Variants in SLC17A9 observed in about 807,000 individuals in gnomAD.
SLC17A9 encodes the protein solute carrier family 17 member 9, also known as voltage-gated purine nucleotide uniporter SLC17A9.
Under a neutral mutation model 55.0 loss-of-function variants are expected in SLC17A9, and 49 were observed. The ratio of observed to expected loss-of-function variants is 0.89; its 90% CI spans 0.71 to 1.13. The LOEUF (loss-of-function observed/expected upper bound fraction) is 1.13, where lower values mean the gene tolerates loss of function less well. Among genes scored for constraint, SLC17A9 ranks in the 50% most tolerant of loss-of-function variants. SLC17A9 has a pLI of 0.00. For missense variants in SLC17A9, 526 were observed against 569.3 expected (o/e 0.92, Z 0.77); for synonymous variants, 256 against 247.4 (o/e 1.03, Z -0.32).
intron 1 of SLC17A9, among the ~76,000 whole-genome samples, chr20:62,954,149 C>T (rs6011495): frequency 0.011 from 1,233 of 115,108 alleles, 18 homozygotes; most frequent in Middle Eastern, 0.025. Flanking sequence ...CTACGTCCCT[C>T]CCAGGCTCGA....
chr20:62,956,891 C>A lies in SLC17A9; in HGVS notation c.186C>A (p.Ala62=). ...ACTTCGGCTGGAACAAGAAGGAGGC[C>A]GGCATCGTGCTCAGCAGCTTCTTCT... The part of the protein sequence containing the change: ...SQDFGWNKKE[A]GIVLSSFFWG... Residue 62 remains alanine (A), a synonymous_variant, in exon 2 of 13, where the codon GCC becomes GCA. Transcript: ENST00000370351. The A allele has an allele frequency of 6.2e-7, 1 of 1,613,620 alleles. No individual in the cohort carries two copies. Among genetic ancestry groups the A allele is most frequent in the Non-Finnish European group, 8.5e-7 (1 of 1,180,012 alleles).
chr20:62,960,214 G>A (rs995109128), intron 3 of SLC17A9, among the ~76,000 whole-genome samples: 6 of 152,404 alleles, frequency 3.9e-5, no homozygotes, highest in African/African-American at 1.4e-4. Flanking sequence ...GAGGCCGGTG[G>A]TGAGAGTGTG....
chr20:62,954,738 A>C (rs2065521484), intron 1 of SLC17A9, among the ~76,000 whole-genome samples: 1 of 152,222 alleles, frequency 6.6e-6, no homozygotes, highest in Admixed American at 6.5e-5. Flanking sequence ...TGCCCAGCTC[A>C]GAGAAGGGGC....
In SLC17A9 at chr20:62,962,718, G is replaced by A; in HGVS notation, c.592G>A (p.Val198Met). 1 of 1,614,076 alleles carries A rather than the reference G, an allele frequency of 6.2e-7. No individual in the cohort carries two copies. The highest frequency in any genetic ancestry group is 1.1e-5 in the South Asian group (1 of 91,086). Residue 198 changes from valine (V) to methionine (M), a missense_variant, in exon 5 of 13, where the codon GTG becomes ATG. Physicochemically the swap from Val to Met is conservative, Grantham distance 21 (BLOSUM62 1). Transcript: ENST00000370351. This position sits in a 1 kb window ranked among gnomAD's most constrained non-coding sequence, Gnocchi z 5.5. ...CTCCGGCGGCCTCACCTTGCTTTGG[G>A]TGTGGTACGTGTACAGGTACCTGCT... ...YFSGGLTLLW[V>M]WYVYRYLLSE...
At chr20:62,953,214 G>A in intron 1 of SLC17A9, 1 of 1,550,430 alleles carries the variant, frequency 6.4e-7, no homozygotes, top group African/African-American at 1.4e-5. Flanking sequence ...TCGCCAGGTG[G>A]AACCACCCTG....
At chr20:62,965,048 C>T in intron 8 of SLC17A9, 84 bp from the exon 9 acceptor site, 2 of 1,525,930 alleles carry the variant, frequency 1.3e-6, no homozygotes, top group African/African-American at 2.7e-5. Flanking sequence ...TGCTGCCCCT[C>T]TGCAGCCATT....
At position 62,952,839 on chromosome 20, in the gene SLC17A9, A is replaced by T; in HGVS notation, c.9A>T (p.Pro3=). The change falls in exon 1 of 13, where the codon CCA becomes CCT. Residue 3 remains proline (P), a synonymous_variant. Coordinates refer to ENST00000370351, the MANE Select transcript of SLC17A9 (RefSeq NM_022082.4). MQ[P]PPDEARRDMA... is the part of the protein sequence containing the mutation. Reference sequence around the variant, plus strand: ...TGAGCACCCCAAGCCCGATGCAGCCACCCCCAGACGAGGCCCGCAGGGACA... The same window carrying T: ...TGAGCACCCCAAGCCCGATGCAGCCTCCCCCAGACGAGGCCCGCAGGGACA... 1 of 1,267,898 alleles carries T rather than the reference A, an allele frequency of 7.9e-7. No individual in the cohort carries two copies. The highest frequency in any genetic ancestry group is 1.0e-6 in the Non-Finnish European group (1 of 987,872). 78.5% of individuals were successfully genotyped at this position (1,267,898 alleles called of 1,614,324 possible).
intron 3 of SLC17A9, among the ~76,000 whole-genome samples, chr20:62,959,826 G>C (rs935114915): frequency 6.6e-6 from 1 of 152,274 alleles, no homozygotes; most frequent in African/African-American, 2.4e-5. Flanking sequence ...ACAAGCTCCT[G>C]TTGTCACCGT....
Position 62,962,281 on chromosome 20 carries a change from T to G in SLC17A9, c.498-343T>G. 1 of 199,438 alleles carries G rather than the reference T, an allele frequency of 5.0e-6. No homozygotes were observed. 12.4% of individuals were successfully genotyped at this position (199,438 alleles called of 1,614,324 possible). On this transcript the variant is annotated intron_variant, in intron 4 of 12. Transcript: ENST00000370351. This position sits in a 1 kb window ranked among gnomAD's most constrained non-coding sequence, Gnocchi z 5.5. ...ATCACCGTCTCCTCCTCGGTGCCGT[T>G]TTTAGTTGAAAAGGATCCACATGAC...
intron 1 of SLC17A9, among the ~76,000 whole-genome samples, chr20:62,955,602 G>A (rs757569629): frequency 6.6e-6 from 1 of 152,034 alleles, no homozygotes; most frequent in Non-Finnish European, 1.5e-5. Flanking sequence ...ATAAGCCACC[G>A]TACCTGGCTC....
Position 62,967,619 on chromosome 20 carries a change from C to A in SLC17A9, c.*119C>A. ...CACACGAGCAGAGAGGAACACAAAC[C>A]ACTGTGGAGCCTGAAGCTCCTTAAG... On this transcript the variant is annotated 3_prime_UTR_variant, in exon 13 of 13. Coordinates refer to ENST00000370351, the MANE Select transcript of SLC17A9 (RefSeq NM_022082.4). 3 of 1,030,364 alleles carry A rather than the reference C, an allele frequency of 2.9e-6. No individual in the cohort carries two copies. The highest frequency in any genetic ancestry group is 2.7e-6 in the Non-Finnish European group (2 of 742,428). 63.8% of individuals were successfully genotyped at this position (1,030,364 alleles called of 1,614,324 possible). A position where few individuals can be genotyped will look rare whatever the true frequency, so the allele number is the denominator to read the frequency against.
intron 4 of SLC17A9, among the ~76,000 whole-genome samples, chr20:62,961,874 G>A (rs1380830334): frequency 6.6e-6 from 1 of 152,116 alleles, no homozygotes; most frequent in East Asian, 1.9e-4. Context: ...ACCCCAGCCC[G>A]CCCTGGTGCC....
chr20:62,963,807 C>A, intron 7 of SLC17A9, 127 bp downstream of exon 7: 1 of 848,678 alleles, frequency 1.2e-6, no homozygotes, highest in Non-Finnish European at 1.8e-6. Flanking sequence ...TCTGAGGGTC[C>A]TGGCACTGCC....
At chr20:62,955,292 C>T (rs552056934) in intron 1 of SLC17A9, among the ~76,000 whole-genome samples, 1 of 151,796 alleles carries the variant, frequency 6.6e-6, no homozygotes, top group African/African-American at 2.4e-5. Context: ...GGATTACAGG[C>T]ACCCGCCACT....
In SLC17A9 at chr20:62,963,675, G is replaced by A. The variant is rs201459272; in HGVS notation, c.817G>A (p.Ala273Thr). The A allele has an allele frequency of 2.7e-5, 43 of 1,591,738 alleles. No individual in the cohort carries two copies. Among genetic ancestry groups the A allele is most frequent in the African/African-American group, 2.7e-4 (20 of 74,690 alleles). Residue 273 changes from alanine to threonine, a missense_variant, in exon 7 of 13, where the codon GCC becomes ACC. Transcript: ENST00000370351. ...PTFFEETFPD[A>T]KGWIFNVVPW... ...CTTCTTCGAGGAGACCTTCCCCGAC[G>A]CCAAGGTGAGTCGGGGGCTCCCGCA...
Position 62,967,487 on chromosome 20 carries a change from A to G in SLC17A9, c.1298A>G (p.His433Arg). The change falls in exon 13 of 13, where the codon CAT becomes CGT. Residue 433 changes from histidine (H) to arginine (R), a missense_variant. His to Arg is a conservative substitution (Grantham distance 29). Transcript: ENST00000370351. The stretch of plus-strand genomic sequence containing the variant: ...CAGAGGGTGGACCTGAGCTCTACCC[A>G]TGAGGACCTCTAGCTCCCAACCCCA... ...QAQRVDLSST[H>R]EDL 1 of 1,613,938 alleles carries G rather than the reference A, an allele frequency of 6.2e-7. No individual in the cohort carries two copies. The highest frequency in any genetic ancestry group is 8.5e-7 in the Non-Finnish European group (1 of 1,179,906).
Position 62,958,113 on chromosome 20 carries a change from G to A in SLC17A9, c.397+533G>A, listed in dbSNP as rs765774606. Among the ~76,000 whole-genome samples the A allele has an allele frequency of 2.6e-5, 4 of 152,178 alleles. No individual in the cohort carries two copies. The highest frequency in any genetic ancestry group is 1.3e-4 in the Admixed American group (2 of 15,288). ...CGTTCCTGTATCCATGTGTATGTGCGTATGCGTGCCCATATGCGTGTGTAC... is the reference window on the plus strand; with the variant it reads ...CGTTCCTGTATCCATGTGTATGTGCATATGCGTGCCCATATGCGTGTGTAC... On this transcript the variant is annotated intron_variant, in intron 3 of 12. Transcript: ENST00000370351. This position sits in a 1 kb window ranked among gnomAD's most constrained non-coding sequence, Gnocchi z 4.1.
chr20:62,956,862 C>T lies in SLC17A9; in HGVS notation c.157C>T (p.Gln53Ter), dbSNP rs777114194. Reference sequence around the variant, plus strand: ...GCCCATCTGCACCGTCTCCATGAGCCAGGACTTCGGCTGGAACAAGAAGGA... The same window carrying T: ...GCCCATCTGCACCGTCTCCATGAGCTAGGACTTCGGCTGGAACAAGAAGGA... ...SMPICTVSMS[Q>*]DFGWNKKEAG... The change falls in exon 2 of 13, where the codon CAG (glutamine) becomes TAG (stop). Residue 53 changes from glutamine (Q) to a stop codon, truncating the protein, a stop_gained. Transcript: ENST00000370351. LOFTEE classifies it high-confidence loss of function. 2 of 1,613,554 alleles carry T rather than the reference C, an allele frequency of 1.2e-6. No homozygotes were observed. Among genetic ancestry groups the T allele is most frequent in the Admixed American group, 3.3e-5 (2 of 60,028 alleles).
chr20:62,953,661 C>T (rs1568909138), intron 1 of SLC17A9, among the ~76,000 whole-genome samples: 1 of 152,248 alleles, frequency 6.6e-6, no homozygotes, highest in Non-Finnish European at 1.5e-5. Flanking sequence ...CCTGCCTGCA[C>T]TGAGTCCCCA....
Sources: gnomAD v4.1 joint callset for allele counts (sites outside exome capture counted in the v4.1 genomes callset) on GRCh38, gnomAD v4.1.1 for gene constraint, Gnocchi (gnomAD v3.1) non-coding constraint, MANE v1.5 for transcripts, NCBI Gene and HGNC (gene_info 2026-07-23, HGNC 2026-07-21) for gene names.